The following GPR39 variants were observed in gnomAD, a reference collection of about 807,000 sequenced individuals.
The protein encoded by GPR39 is zinc sensing receptor.
GPR39 carries 23 observed loss-of-function variants against 18.4 expected under a neutral mutation model. The ratio of observed to expected loss-of-function variants is 1.25; its 90% confidence interval spans 0.90 to 1.77. The LOEUF (loss-of-function observed/expected upper bound fraction) is 1.77. Ranked by LOEUF, GPR39 falls within the 40% of genes most tolerant of loss-of-function variation. The pLI, the probability that GPR39 is intolerant of heterozygous loss-of-function variation, is 0.00. For missense variants in GPR39, 647 were observed against 602.4 expected, an observed-to-expected ratio of 1.07 and a Z score of -0.78; for synonymous variants, 280 against 257.9, an observed-to-expected ratio of 1.09 and a Z score of -0.82.
At chr2:132,494,974 G>T (rs1422474253) in intron 1 of GPR39, among the ~76,000 whole-genome samples, 2 of 152,178 alleles carry the variant, frequency 1.3e-5, no homozygotes, top group African/African-American at 2.4e-5. Context: ...TACACGTAAA[G>T]GGAGCACCCT....
intron 1 of GPR39, among the ~76,000 whole-genome samples, chr2:132,558,265 C>G (rs958144367): frequency 1.3e-5 from 2 of 152,072 alleles, no homozygotes; most frequent in African/African-American, 2.4e-5. Context: ...ACTAGCAATA[C>G]CTGCTCTGTT....
chr2:132,588,753 A>C (rs1680776239), intron 1 of GPR39, among the ~76,000 whole-genome samples: 1 of 152,184 alleles, frequency 6.6e-6, no homozygotes, highest in Admixed American at 6.5e-5. Context: ...ACACACTGTC[A>C]CCACTATCAC....
At chr2:132,435,820 A>G (rs1228882585) in intron 1 of GPR39, among the ~76,000 whole-genome samples, 1 of 152,360 alleles carries the variant, frequency 6.6e-6, no homozygotes, top group African/African-American at 2.4e-5. Flanking sequence ...TAAGACATGA[A>G]GGGGATATGG....
At chr2:132,573,066 T>C (rs1177961718) in intron 1 of GPR39, among the ~76,000 whole-genome samples, 1 of 152,148 alleles carries the variant, frequency 6.6e-6, no homozygotes, top group East Asian at 1.9e-4. Flanking sequence ...ATGGGCTGTA[T>C]GTCCCATCAT....
At chr2:132,579,070 TC>T (rs1310457456) in intron 1 of GPR39, among the ~76,000 whole-genome samples, 4 of 151,922 alleles carry the variant, frequency 2.6e-5, no homozygotes, top group Non-Finnish European at 5.9e-5. Context: ...GATTTGAGAC[TC>T]TTCCTCTTTT....
rs550039396 is a variant in GPR39 at position 132,619,353 on chromosome 2, G to A, written c.857-25748G>A. 5.9e-5 allele frequency among the ~76,000 whole-genome samples: 9 copies of A among 152,216 alleles called. No individual in the cohort carries two copies. In the South Asian group the frequency reaches 1.9e-3, roughly 32 times the overall value. On this transcript the variant is annotated intron_variant, in intron 1 of 1. Coordinates refer to ENST00000329321, the MANE Select transcript of GPR39 (RefSeq NM_001508.3). ...AGGGCCCTCGCAACAGGCTCCATAT[G>A]TCCTGGCTGGTTTGCCCACCGAGCG...
At chr2:132,609,346 G>A (rs1284346295) in intron 1 of GPR39, among the ~76,000 whole-genome samples, 1 of 152,324 alleles carries the variant, frequency 6.6e-6, no homozygotes, top group Admixed American at 6.5e-5. Flanking sequence ...GTATTGTGCT[G>A]TGTGTGTGCT....
intron 1 of GPR39, among the ~76,000 whole-genome samples, chr2:132,513,743 C>T (rs557038401): frequency 1.1e-4 from 16 of 152,298 alleles, no homozygotes; most frequent in African/African-American, 3.8e-4. Context: ...GATGGGGTCA[C>T]TCTGGCCCCC....
chr2:132,465,128 G>A (rs1272698538), intron 1 of GPR39, among the ~76,000 whole-genome samples: 1 of 152,062 alleles, frequency 6.6e-6, no homozygotes, highest in Non-Finnish European at 1.5e-5. Flanking sequence ...AAAGTGATTG[G>A]TTCTCTCTGA....
At chr2:132,625,413 T>G (rs1681524677) in intron 1 of GPR39, among the ~76,000 whole-genome samples, 1 of 152,188 alleles carries the variant, frequency 6.6e-6, no homozygotes, top group Non-Finnish European at 1.5e-5. Context: ...TGTAGGACAA[T>G]TTTTGGAGTC....
intron 1 of GPR39, among the ~76,000 whole-genome samples, chr2:132,470,169 G>T (rs1211458729): frequency 1.3e-5 from 2 of 152,186 alleles, no homozygotes; most frequent in Non-Finnish European, 2.9e-5. Flanking sequence ...GAGGGACTGG[G>T]TGTTAATACC....
At chr2:132,516,758 A>G (rs1679342074) in intron 1 of GPR39, among the ~76,000 whole-genome samples, 1 of 152,208 alleles carries the variant, frequency 6.6e-6, no homozygotes, top group Non-Finnish European at 1.5e-5. Flanking sequence ...CCAACATGAC[A>G]GAACCTTAAC....
chr2:132,562,697 A>C (rs1049051145), intron 1 of GPR39, among the ~76,000 whole-genome samples: 11 of 152,310 alleles, frequency 7.2e-5, no homozygotes, highest in African/African-American at 2.6e-4. Flanking sequence ...AGTAGTAGAT[A>C]GTAATAGATA....
chr2:132,526,513 T>C (rs1019616746), intron 1 of GPR39, among the ~76,000 whole-genome samples: 3 of 152,210 alleles, frequency 2.0e-5, no homozygotes, highest in Non-Finnish European at 4.4e-5. Flanking sequence ...TTCAGAAGTA[T>C]GTTTTTCTTA....
rs2104840983 is a variant in GPR39 at position 132,601,127 on chromosome 2, G to A, written c.857-43974G>A. Among the ~76,000 whole-genome samples, 2 of 152,150 alleles carry A rather than the reference G, an allele frequency of 1.3e-5. 1 individual carries two copies. The highest frequency in any genetic ancestry group is 4.2e-4 in the South Asian group (2 of 4,818). The stretch of plus-strand genomic sequence containing the variant: ...AATTCTTCCTAATTGATTTTATGAG[G>A]CCAGGATTTACCCTGATACCAAACC... On this transcript the variant is annotated intron_variant, in intron 1 of 1. Coordinates refer to ENST00000329321, the MANE Select transcript of GPR39 (RefSeq NM_001508.3).
At chr2:132,594,929 T>C (rs1464941886) in intron 1 of GPR39, among the ~76,000 whole-genome samples, 1 of 152,226 alleles carries the variant, frequency 6.6e-6, no homozygotes, top group Admixed American at 6.5e-5. Flanking sequence ...CTTGAAATAC[T>C]GTGTGGCTAT....
chr2:132,513,105 A>C lies in GPR39; in HGVS notation c.856+95207A>C, dbSNP rs6754698. ...TGGCTCAATCACACGGCTGCACTACATGTGGTCTCCGTGTGACACATGGTT... is the reference window on the plus strand; with the variant it reads ...TGGCTCAATCACACGGCTGCACTACCTGTGGTCTCCGTGTGACACATGGTT... On this transcript the variant is annotated intron_variant, in intron 1 of 1. Transcript: ENST00000329321. Among the ~76,000 whole-genome samples the C allele has an allele frequency of 2.0e-5, 3 of 152,008 alleles. No individual in the cohort carries two copies. The South Asian group carries it at 6.2e-4, about 32-fold the overall frequency.
At chr2:132,528,818 C>T (rs949914649) in intron 1 of GPR39, among the ~76,000 whole-genome samples, 3 of 152,104 alleles carry the variant, frequency 2.0e-5, no homozygotes, top group Non-Finnish European at 2.9e-5. Flanking sequence ...TTTTTATCAG[C>T]TTAAGGAGTT....
At chr2:132,487,208 C>T (rs1681359150) in intron 1 of GPR39, among the ~76,000 whole-genome samples, 3 of 152,098 alleles carry the variant, frequency 2.0e-5, no homozygotes, top group Admixed American at 2.0e-4. Flanking sequence ...ATAGTAACAG[C>T]ATATATCACT....
Sources: gnomAD v4.1 joint callset for allele counts (sites outside exome capture counted in the v4.1 genomes callset) on GRCh38, gnomAD v4.1.1 for gene constraint, MANE v1.5 for transcripts, NCBI Gene and HGNC (gene_info 2026-07-23, HGNC 2026-07-21) for gene names.